Variants in RAD51B observed in about 807,000 individuals in gnomAD.
RAD51B encodes DNA repair protein RAD51 homolog 2.
In RAD51B, 38 loss-of-function variants were observed where a neutral mutation model predicts 42.2. The ratio of observed to expected loss-of-function variants is 0.90; its 90% CI spans 0.70 to 1.18. The LOEUF is 1.18. Ranked by LOEUF, RAD51B falls within the 50% of genes most tolerant of loss-of-function variation. The pLI, the probability that RAD51B is intolerant of heterozygous loss-of-function variation, is 0.00. For synonymous variants in RAD51B, 154 were observed against 145.2 expected, an observed-to-expected ratio of 1.06 and a Z score of -0.43; for missense variants, 373 against 400.7, an observed-to-expected ratio of 0.93 and a Z score of 0.59.
chr14:67,920,184 CTT>C (rs1271730590), intron 7 of RAD51B, among the ~76,000 whole-genome samples: 1 of 152,072 alleles, frequency 6.6e-6, no homozygotes, highest in Non-Finnish European at 1.5e-5. Flanking sequence ...AACTGAATTT[CTT>C]AGGTAATAAT....
intron 9 of RAD51B, among the ~76,000 whole-genome samples, chr14:68,435,492 G>T (rs111368554): frequency 1.1e-3 from 146 of 128,074 alleles, no homozygotes; most frequent in African/African-American, 2.6e-3. Flanking sequence ...GTGGTTTTTG[G>T]TTTTTTTTTT....
chr14:68,165,111 A>G (rs537717695), intron 7 of RAD51B, among the ~76,000 whole-genome samples: 124 of 152,368 alleles, frequency 8.1e-4, no homozygotes, highest in African/African-American at 2.9e-3. Flanking sequence ...TATAAATAGC[A>G]TTAATCGCAT....
intron 9 of RAD51B, among the ~76,000 whole-genome samples, chr14:68,460,137 G>T (rs2140211637): frequency 6.6e-6 from 1 of 152,232 alleles, no homozygotes; most frequent in Non-Finnish European, 1.5e-5. Flanking sequence ...CATGTAAACT[G>T]CCAGGACCAG....
intron 10 of RAD51B, among the ~76,000 whole-genome samples, chr14:68,552,362 C>G (rs1303407344): frequency 2.0e-5 from 3 of 152,086 alleles, no homozygotes; most frequent in Non-Finnish European, 4.4e-5. Flanking sequence ...CAACACTGGC[C>G]CTCACCCGCT....
chr14:68,470,827 G>A, intron 10 of RAD51B: 2 of 396,160 alleles, frequency 5.0e-6, no homozygotes, highest in Non-Finnish European at 4.7e-6. Flanking sequence ...ATCTCTAACA[G>A]CCTTGTCACA....
intron 8 of RAD51B, among the ~76,000 whole-genome samples, chr14:68,362,048 G>T (rs569816828): frequency 3.3e-5 from 5 of 152,254 alleles, no homozygotes; most frequent in East Asian, 1.9e-4. Flanking sequence ...TAGATCTAAG[G>T]TGGCTGAATA....
At chr14:68,663,565 C>T (rs529831278) in intron 11 of RAD51B, among the ~76,000 whole-genome samples, 7 of 152,324 alleles carry the variant, frequency 4.6e-5, no homozygotes, top group African/African-American at 1.7e-4. Context: ...TAGCTTTACG[C>T]ATAACTTGTA....
At chr14:68,488,820 A>G (rs1230003724) in intron 10 of RAD51B, among the ~76,000 whole-genome samples, 1 of 152,192 alleles carries the variant, frequency 6.6e-6, no homozygotes, top group East Asian at 1.9e-4. Flanking sequence ...GTCATGAAAA[A>G]TTTCTCTTTC....
chr14:68,045,960 C>A (rs529478359), intron 7 of RAD51B, among the ~76,000 whole-genome samples: 1 of 152,058 alleles, frequency 6.6e-6, no homozygotes, highest in South Asian at 2.1e-4. Context: ...TTCTCTCCTT[C>A]GACATGGCAG....
intron 7 of RAD51B, among the ~76,000 whole-genome samples, chr14:68,144,039 C>A (rs1480082440): frequency 6.6e-6 from 1 of 152,030 alleles, no homozygotes; most frequent in Non-Finnish European, 1.5e-5. Flanking sequence ...CCAGGCTGCT[C>A]ATCATCTTTT....
At chr14:68,114,563 T>C (rs989093633) in intron 7 of RAD51B, among the ~76,000 whole-genome samples, 5 of 152,160 alleles carry the variant, frequency 3.3e-5, no homozygotes, top group Non-Finnish European at 7.4e-5. Context: ...ACAGCAAGAA[T>C]ATTTGTTTTC....
chr14:68,092,023 A>G (rs1281305006), intron 7 of RAD51B, among the ~76,000 whole-genome samples: 3 of 152,070 alleles, frequency 2.0e-5, no homozygotes, highest in African/African-American at 7.3e-5. Flanking sequence ...ATGTGGCATT[A>G]TTTCTCAGGG....
chr14:67,874,298 CTATT>C (rs2042651046), intron 5 of RAD51B, among the ~76,000 whole-genome samples: 1 of 152,146 alleles, frequency 6.6e-6, no homozygotes, highest in Admixed American at 6.6e-5. Flanking sequence ...TATCTCCAGA[CTATT>C]TAACAATTTT....
intron 10 of RAD51B, among the ~76,000 whole-genome samples, chr14:68,640,454 A>C (rs1892436704): frequency 6.6e-6 from 1 of 152,238 alleles, no homozygotes; most frequent in South Asian, 2.1e-4. Flanking sequence ...GTGCCAGTAC[A>C]TAGTAATTCA....
intron 7 of RAD51B, among the ~76,000 whole-genome samples, chr14:68,048,296 T>C (rs889373667): frequency 6.6e-6 from 1 of 152,220 alleles, no homozygotes; most frequent in Non-Finnish European, 1.5e-5. Context: ...TTGTTTGTTT[T>C]TTCCTTGTAA....
intron 10 of RAD51B, among the ~76,000 whole-genome samples, chr14:68,593,582 A>G (rs942270036): frequency 6.6e-6 from 1 of 152,158 alleles, no homozygotes; most frequent in African/African-American, 2.4e-5. Flanking sequence ...AGGTTGGCAA[A>G]TGGGCATGGG....
chr14:68,389,763 T>A (rs1386434620), intron 8 of RAD51B, among the ~76,000 whole-genome samples: 1 of 152,244 alleles, frequency 6.6e-6, no homozygotes, highest in African/African-American at 2.4e-5. Context: ...ATTAATCATT[T>A]TGTCCGATGT....
chr14:68,616,123 T>C (rs1218747194), downstream of RAD51B, among the ~76,000 whole-genome samples: 1 of 152,238 alleles, frequency 6.6e-6, no homozygotes, highest in East Asian at 1.9e-4. Context: ...GCATATGTTA[T>C]GAACTCTACA....
chr14:68,058,435 C>G (rs2076515415), intron 7 of RAD51B, among the ~76,000 whole-genome samples: 1 of 152,136 alleles, frequency 6.6e-6, no homozygotes, highest in South Asian at 2.1e-4. Context: ...TTTCCAATCC[C>G]CTAGCTCCCT....
Sources: allele counts gnomAD v4.1 joint callset (sites outside exome capture counted in the v4.1 genomes callset), GRCh38; gene constraint gnomAD v4.1.1; transcripts MANE v1.5; gene names NCBI Gene and HGNC (gene_info 2026-07-23, HGNC 2026-07-21).